DUSP16: variants seen among roughly 807,000 people sequenced by gnomAD.
The protein encoded by DUSP16 is dual specificity protein phosphatase 16.
A neutral mutation model predicts 58.3 loss-of-function variants in DUSP16; 21 were observed. The observed-to-expected ratio is 0.36, with a 90% CI of 0.26 to 0.52. The LOEUF (loss-of-function observed/expected upper bound fraction) is 0.52. Among genes scored for constraint, DUSP16 ranks in the 20% least tolerant of loss-of-function variants. The pLI is 0.94. For missense variants in DUSP16, 726 were observed against 819.0 expected, an observed-to-expected ratio of 0.89 and a Z score of 1.39; for synonymous variants, 320 against 323.8, an observed-to-expected ratio of 0.99 and a Z score of 0.12.
chr12:12,552,704 T>C (rs989912311), intron 1 of DUSP16, among the ~76,000 whole-genome samples: 1 of 152,222 alleles, frequency 6.6e-6, no homozygotes, highest in Non-Finnish European at 1.5e-5. Context: ...AACAATGCCA[T>C]GTTTCTCACC....
intron 1 of DUSP16, among the ~76,000 whole-genome samples, chr12:12,551,460 T>A (rs1376310553): frequency 2.2e-5 from 3 of 134,080 alleles, no homozygotes; most frequent in Admixed American, 7.6e-5. Context: ...GAGACTGTAT[T>A]AAAAAAAAAA....
At position 12,519,931 on chromosome 12, in the gene DUSP16, AAGAG is replaced by A; in HGVS notation, c.294_297del (p.Ser99GlnfsTer43). On this transcript the variant is annotated frameshift_variant, in exon 3 of 7. Transcript: ENST00000298573. LOFTEE classifies it high-confidence loss of function. ...AGAAGTACAGTGAGAAAACAGTCTGAAGAGAGAGAGGCAACATCTTGGGAGCTTT... is the reference window on the plus strand; with the variant it reads ...AGAAGTACAGTGAGAAAACAGTCTGAAGAGAGGCAACATCTTGGGAGCTTT... The A allele has an allele frequency of 6.2e-7, 1 of 1,614,102 alleles. No individual in the cohort carries two copies. Among genetic ancestry groups the A allele is most frequent in the Non-Finnish European group, 8.5e-7 (1 of 1,179,964 alleles).
At chr12:12,489,555 A>C (rs970866095) in intron 4 of DUSP16, among the ~76,000 whole-genome samples, 9 of 152,210 alleles carry the variant, frequency 5.9e-5, no homozygotes, top group Admixed American at 1.3e-4. Flanking sequence ...TGTTAAATTA[A>C]AAGTAAAGGA....
chr12:12,549,157 T>C (rs1200525588), intron 1 of DUSP16, among the ~76,000 whole-genome samples: 4 of 152,070 alleles, frequency 2.6e-5, no homozygotes, highest in Non-Finnish European at 5.9e-5. Flanking sequence ...ACCATCGACA[T>C]CATTATTAGG....
intron 1 of DUSP16, among the ~76,000 whole-genome samples, chr12:12,522,240 C>A (rs1944248750): frequency 6.6e-6 from 1 of 152,140 alleles, no homozygotes; most frequent in South Asian, 2.1e-4. Context: ...GTAAGCTTAT[C>A]CTTCACTTTT....
intron 3 of DUSP16, among the ~76,000 whole-genome samples, chr12:12,505,035 T>TA (rs1411086560): frequency 6.6e-6 from 1 of 152,240 alleles, no homozygotes; most frequent in Non-Finnish European, 1.5e-5. Flanking sequence ...ACTGAACACT[T>TA]ACTGCGTGAC....
rs183625267 is a variant in DUSP16, at chr12:12,520,320, T to A, written c.229-320A>T. Among the ~76,000 whole-genome samples the A allele has an allele frequency of 7.2e-5, 11 of 152,358 alleles. No individual in the cohort carries two copies. In the East Asian group the frequency reaches 7.7e-4, roughly 11 times the overall value. On this transcript the variant is annotated intron_variant, in intron 2 of 6. Transcript: ENST00000298573. ...ACCCTGGACCTAAACAAACTTTTTT[T>A]AAAATGACTTTTACACCTTAACAAA... is the stretch of plus-strand genomic sequence containing the variant.
chr12:12,489,900 T>G (rs983544334), intron 4 of DUSP16, among the ~76,000 whole-genome samples: 4 of 152,200 alleles, frequency 2.6e-5, no homozygotes, highest in Admixed American at 1.3e-4. Flanking sequence ...TATCTAACAT[T>G]TAATGAATGC....
At chr12:12,500,751 A>G (rs1329224268) in intron 3 of DUSP16, 69 bp from the exon 4 acceptor site, 3 of 1,394,580 alleles carry the variant, frequency 2.2e-6, no homozygotes, top group African/African-American at 1.5e-5. Context: ...CTTTCTGTGA[A>G]CTGCTCAAAC....
At chr12:12,520,072 A>C in intron 2 of DUSP16, 72 bp from the exon 3 acceptor site, 922 of 1,506,264 alleles carry the variant, frequency 6.1e-4, no homozygotes, top group Non-Finnish European at 7.8e-4. Context: ...TTAAGATCTC[A>C]CATTTACCAG....
At chr12:12,507,552 A>G (rs1944014619) in intron 3 of DUSP16, among the ~76,000 whole-genome samples, 1 of 152,216 alleles carries the variant, frequency 6.6e-6, no homozygotes, top group Non-Finnish European at 1.5e-5. Flanking sequence ...TGTATTTTAA[A>G]TCATCTGCAT....
chr12:12,530,274 A>G (rs377233670), intron 1 of DUSP16, among the ~76,000 whole-genome samples: 2 of 152,236 alleles, frequency 1.3e-5, no homozygotes, highest in East Asian at 3.9e-4. Context: ...GATGCTGAGC[A>G]TTTTTTCATA....
At chr12:12,540,367 G>A (rs951349224) in intron 1 of DUSP16, among the ~76,000 whole-genome samples, 1 of 152,026 alleles carries the variant, frequency 6.6e-6, no homozygotes, top group Non-Finnish European at 1.5e-5. Flanking sequence ...AATTTTTAAA[G>A]ATGGTATTTA....
At chr12:12,504,823 GCTGTGATCGCACCA>G (rs1943967875) in intron 3 of DUSP16, among the ~76,000 whole-genome samples, 1 of 152,036 alleles carries the variant, frequency 6.6e-6, no homozygotes, top group Admixed American at 6.6e-5. Context: ...GATGCAGTGA[GCTGTGATCGCACCA>G]CTGCACTCCA....
intron 1 of DUSP16, among the ~76,000 whole-genome samples, chr12:12,549,648 C>T (rs1291403450): frequency 6.6e-6 from 1 of 152,152 alleles, no homozygotes; most frequent in Non-Finnish European, 1.5e-5. Flanking sequence ...GTTCTCCTCT[C>T]ACATATGTTA....
intron 1 of DUSP16, among the ~76,000 whole-genome samples, chr12:12,527,528 C>G (rs942709406): frequency 1.3e-5 from 2 of 152,144 alleles, no homozygotes; most frequent in African/African-American, 4.8e-5. Flanking sequence ...TGCGGCAAAC[C>G]ACCATGGCAT....
At chr12:12,493,168 A>G (rs1943784718) in intron 4 of DUSP16, among the ~76,000 whole-genome samples, 1 of 152,180 alleles carries the variant, frequency 6.6e-6, no homozygotes, top group South Asian at 2.1e-4. Context: ...TTGGAAGTAT[A>G]ACAGGCATTT....
chr12:12,519,396 T>C (rs559206259), intron 3 of DUSP16, among the ~76,000 whole-genome samples: 3 of 152,336 alleles, frequency 2.0e-5, no homozygotes, highest in African/African-American at 7.2e-5. Flanking sequence ...TTGTTTATAA[T>C]GCCCAGAAAG....
intron 1 of DUSP16, among the ~76,000 whole-genome samples, chr12:12,559,690 A>G (rs771346005): frequency 6.6e-6 from 1 of 152,360 alleles, no homozygotes; most frequent in East Asian, 1.9e-4. Flanking sequence ...GGACAGCTAT[A>G]TAAGTCTGCT....
Sources: allele counts gnomAD v4.1 joint callset (sites outside exome capture counted in the v4.1 genomes callset), GRCh38; gene constraint gnomAD v4.1.1; transcripts MANE v1.5; gene names NCBI Gene and HGNC (gene_info 2026-07-23, HGNC 2026-07-21).